The following GRAMD1B variants were observed in gnomAD, a reference collection of about 807,000 sequenced individuals.
GRAMD1B encodes protein Aster-B.
GRAMD1B carries 37 observed loss-of-function variants against 99.7 expected under a neutral mutation model. The observed-to-expected ratio is 0.37, with a 90% confidence interval of 0.29 to 0.49. GRAMD1B has a LOEUF of 0.49. GRAMD1B is among the 20% of genes least tolerant of loss of function. GRAMD1B has a pLI of 0.98. For missense variants in GRAMD1B, 888 were observed against 1,009.2 expected (o/e 0.88, Z 1.63); for synonymous variants, 427 against 387.6 (o/e 1.10, Z -1.19).
In GRAMD1B at chr11:123,626,198, T is replaced by C. The variant is rs917567049; in HGVS notation, c.*3603T>C. 1 of 152,202 alleles carries C rather than the reference T, an allele frequency of 6.6e-6. No homozygotes were observed. Among genetic ancestry groups the C allele is most frequent in the Non-Finnish European group, 1.5e-5 (1 of 68,050 alleles). The allele number at this position is 152,202 out of a possible 1,614,324, so 9.4% of individuals were successfully genotyped here. A position where few individuals can be genotyped will look rare whatever the true frequency, so the allele number is the denominator to read the frequency against. ...ACAGTGGAGAGTAGCCACTTCTGGT[T>C]CTAGCACTTCTCTTTTGTTAAGATA... On this transcript the variant is annotated 3_prime_UTR_variant, in exon 20 of 20. Transcript: ENST00000635736.
At chr11:123,365,469 C>T (rs932577958) in intron 1 of GRAMD1B, among the ~76,000 whole-genome samples, 26 of 152,176 alleles carry the variant, frequency 1.7e-4, no homozygotes, top group Non-Finnish European at 5.9e-5. Context: ...CCAGGCTGGT[C>T]TCGAACTCCT....
rs183533305 is a variant in GRAMD1B, at chr11:123,541,018, G to A, written c.453-36349G>A. 2.2e-4 allele frequency among the ~76,000 whole-genome samples: 33 copies of A among 152,002 alleles called. No individual in the cohort carries two copies. In the East Asian group the frequency reaches 3.7e-3, roughly 17 times the overall value. On this transcript the variant is annotated intron_variant, in intron 2 of 19. Coordinates refer to ENST00000635736, the MANE Select transcript of GRAMD1B (RefSeq NM_001387025.1). ...AGACGGAGTTCGCTCTTGTTGCCCA[G>A]GCTAGATTGCAATGGCGTGATCTCG...
At chr11:123,472,988 A>G (rs907837059) in intron 1 of GRAMD1B, among the ~76,000 whole-genome samples, 1 of 152,232 alleles carries the variant, frequency 6.6e-6, no homozygotes. Flanking sequence ...AGAAAAGAAA[A>G]TGATTTGGGG....
At chr11:123,567,145 T>C (rs1947484638) in intron 2 of GRAMD1B, among the ~76,000 whole-genome samples, 1 of 152,168 alleles carries the variant, frequency 6.6e-6, no homozygotes, top group Non-Finnish European at 1.5e-5. Flanking sequence ...TTCCAGGCGG[T>C]GGGACCAACA....
chr11:123,407,020 A>G (rs1433332032), intron 1 of GRAMD1B, among the ~76,000 whole-genome samples: 3 of 152,330 alleles, frequency 2.0e-5, no homozygotes, highest in African/African-American at 7.2e-5. Context: ...TTCACTTACC[A>G]CATGTTTAAA....
chr11:123,599,159 G>T, intron 7 of GRAMD1B: 1 of 785,474 alleles, frequency 1.3e-6, no homozygotes, highest in Non-Finnish European at 2.3e-6. Context: ...TCTCATTTGG[G>T]TGCTTCCGGT....
At chr11:123,574,694 G>A (rs938709553) in intron 2 of GRAMD1B, among the ~76,000 whole-genome samples, 1 of 152,200 alleles carries the variant, frequency 6.6e-6, no homozygotes, top group Non-Finnish European at 1.5e-5. Context: ...TCTGTGTTCA[G>A]TGTGGGGCAC....
rs59323923 is a variant in GRAMD1B at position 123,625,936 on chromosome 11, A to AAGAGAGAGAGAGAGAGAGAGAGAG, written c.*3363_*3386dup. ...TAGGAGGGCTGGGGAGGCCCAGTGG[A>AAGAGAGAGAGAGAGAGAGAGAGAG]AGAGAGAGAGAGAGAGAGAGAGAGA... is the stretch of plus-strand genomic sequence containing the variant. On this transcript the variant is annotated 3_prime_UTR_variant, in exon 20 of 20. Coordinates refer to ENST00000635736, the MANE Select transcript of GRAMD1B (RefSeq NM_001387025.1). 7.7e-5 allele frequency: 8 copies of AAGAGAGAGAGAGAGAGAGAGAGAG among 104,266 alleles called. No homozygotes were observed. Among genetic ancestry groups the AAGAGAGAGAGAGAGAGAGAGAGAG allele is most frequent in the Non-Finnish European group, 1.2e-4 (6 of 49,698 alleles). The allele number at this position is 104,266 out of a possible 1,614,324, so 6.5% of individuals were successfully genotyped here.
chr11:123,545,469 C>T (rs1436301050), intron 2 of GRAMD1B, among the ~76,000 whole-genome samples: 2 of 152,140 alleles, frequency 1.3e-5, no homozygotes, highest in Non-Finnish European at 2.9e-5. Flanking sequence ...GCCTGGGGCC[C>T]ATGAATTTGA....
At chr11:123,422,481 A>G (rs1284319706) in intron 1 of GRAMD1B, among the ~76,000 whole-genome samples, 1 of 152,272 alleles carries the variant, frequency 6.6e-6, no homozygotes, top group African/African-American at 2.4e-5. Context: ...TGTCATAAAA[A>G]GTAATTCCAA....
At chr11:123,575,326 T>C (rs1948600439) in intron 2 of GRAMD1B, among the ~76,000 whole-genome samples, 1 of 152,120 alleles carries the variant, frequency 6.6e-6, no homozygotes, top group Admixed American at 6.5e-5. Flanking sequence ...GTGTCTGAGA[T>C]AGGCATGTAC....
At chr11:123,588,238 C>T (rs1437580059) in intron 4 of GRAMD1B, among the ~76,000 whole-genome samples, 1 of 152,134 alleles carries the variant, frequency 6.6e-6, no homozygotes, top group African/African-American at 2.4e-5. Flanking sequence ...CCCTCCTTCT[C>T]GCCATCCCTG....
chr11:123,605,010 GA>G (rs953522776), intron 9 of GRAMD1B, among the ~76,000 whole-genome samples: 3 of 148,436 alleles, frequency 2.0e-5, no homozygotes, highest in Non-Finnish European at 3.0e-5. Flanking sequence ...GGCACCCATG[GA>G]AAAAAAATAG....
intron 2 of GRAMD1B, among the ~76,000 whole-genome samples, chr11:123,551,009 C>T (rs940421952): frequency 6.6e-6 from 1 of 152,166 alleles, no homozygotes; most frequent in Admixed American, 6.5e-5. Context: ...ACAGATTTGC[C>T]TGCAGGAGTT....
chr11:123,437,855 G>C (rs565622320), intron 1 of GRAMD1B, among the ~76,000 whole-genome samples: 47 of 152,316 alleles, frequency 3.1e-4, no homozygotes, highest in African/African-American at 9.6e-4. Flanking sequence ...ATTTCCAGGA[G>C]AGCAGGGTGA....
intron 2 of GRAMD1B, among the ~76,000 whole-genome samples, chr11:123,498,978 C>G (rs1276901980): frequency 6.6e-6 from 1 of 152,176 alleles, no homozygotes; most frequent in East Asian, 1.9e-4. Context: ...GCCCTGAGCC[C>G]TGATGCCTCC....
chr11:123,584,553 C>T (rs1051232526), intron 4 of GRAMD1B, among the ~76,000 whole-genome samples: 1 of 151,938 alleles, frequency 6.6e-6, no homozygotes, highest in African/African-American at 2.4e-5. Context: ...GCGTGGCCAG[C>T]TGTATCCCCT....
intron 2 of GRAMD1B, among the ~76,000 whole-genome samples, chr11:123,489,248 G>A (rs780381945): frequency 7.9e-5 from 12 of 152,318 alleles, no homozygotes; most frequent in Admixed American, 1.3e-4. Flanking sequence ...TTGAGGAGCA[G>A]AGGTGGCAGT....
At chr11:123,379,906 T>C (rs1197060775) in intron 1 of GRAMD1B, among the ~76,000 whole-genome samples, 1 of 152,250 alleles carries the variant, frequency 6.6e-6, no homozygotes, top group African/African-American at 2.4e-5. Context: ...GTGCTATCTA[T>C]TGTGGTTTTG....
Sources: allele counts gnomAD v4.1 joint callset (sites outside exome capture counted in the v4.1 genomes callset), GRCh38; gene constraint gnomAD v4.1.1; transcripts MANE v1.5; gene names NCBI Gene and HGNC (gene_info 2026-07-23, HGNC 2026-07-21).